Variants in IFT74 observed in about 807,000 individuals in gnomAD.
The protein encoded by IFT74 is intraflagellar transport protein 74 homolog.
A neutral mutation model predicts 96.7 loss-of-function variants in IFT74; 92 were observed. The observed-to-expected ratio is 0.95, with a 90% CI of 0.80 to 1.13. The LOEUF (loss-of-function observed/expected upper bound fraction) is 1.13. IFT74 is among the 50% of genes most tolerant of loss of function. The pLI is 0.00. For synonymous variants in IFT74, 223 were observed against 213.2 expected (o/e 1.05, Z -0.40); for missense variants, 811 against 698.2 (o/e 1.16, Z -1.82).
chr9:27,026,348 C>T (rs1829858197), intron 12 of IFT74, among the ~76,000 whole-genome samples: 4 of 152,106 alleles, frequency 2.6e-5, no homozygotes. Flanking sequence ...ACCACTAGAC[C>T]TAACAAATGA....
chr9:26,968,875 T>C (rs1377900303), intron 2 of IFT74, among the ~76,000 whole-genome samples: 2 of 144,096 alleles, frequency 1.4e-5, no homozygotes, highest in African/African-American at 5.3e-5. Flanking sequence ...ACTTTGTGTT[T>C]CATTAATCTT....
At chr9:27,005,447 T>G (rs1045653147) in intron 8 of IFT74, 4 of 149,328 alleles carry the variant, frequency 2.7e-5, no homozygotes, top group Non-Finnish European at 5.9e-5. Context: ...ATAGTATTTT[T>G]GAGGTAGACC....
chr9:27,011,645 GTTTTTTTTTT>G (rs56762171), intron 9 of IFT74, among the ~76,000 whole-genome samples: 1 of 133,652 alleles, frequency 7.5e-6, no homozygotes, highest in South Asian at 2.4e-4. Context: ...AACTCATGAA[GTTTTTTTTTT>G]TTTTTTTTGA....
chr9:27,003,893 G>C (rs1294766939), intron 8 of IFT74, among the ~76,000 whole-genome samples: 1 of 152,194 alleles, frequency 6.6e-6, no homozygotes. Flanking sequence ...TATGTTTAAT[G>C]ATTTATAGGA....
chr9:26,996,212 C>T, intron 8 of IFT74: 2 of 783,054 alleles, frequency 2.6e-6, no homozygotes, highest in East Asian at 3.1e-5. Flanking sequence ...AGGAATCTTT[C>T]TTTTACATTT....
At chr9:27,051,330 A>G (rs1418963859) in intron 16 of IFT74, among the ~76,000 whole-genome samples, 1 of 152,146 alleles carries the variant, frequency 6.6e-6, no homozygotes, top group Admixed American at 6.5e-5. Flanking sequence ...TGTTTGCCGT[A>G]GTTTTTTTTT....
intron 13 of IFT74, among the ~76,000 whole-genome samples, chr9:27,041,400 C>G (rs2131673925): frequency 6.6e-6 from 1 of 152,210 alleles, no homozygotes; most frequent in African/African-American, 2.4e-5. Context: ...TGGAAACTGT[C>G]TTACTCAGTT....
intron 13 of IFT74, chr9:27,036,463 T>C (rs1200952764): frequency 1.9e-6 from 3 of 1,613,704 alleles, no homozygotes; most frequent in Non-Finnish European, 2.5e-6. Flanking sequence ...CTACCAACTA[T>C]GGATGGAAAA....
At chr9:26,971,798 C>T (rs971728925) in intron 2 of IFT74, among the ~76,000 whole-genome samples, 10 of 152,094 alleles carry the variant, frequency 6.6e-5, no homozygotes, top group Admixed American at 2.6e-4. Flanking sequence ...GACCATTCTC[C>T]GTCCAGTTTT....
intron 12 of IFT74, among the ~76,000 whole-genome samples, chr9:27,020,034 G>A (rs1005806884): frequency 3.3e-5 from 5 of 150,486 alleles, no homozygotes; most frequent in Admixed American, 1.3e-4. Flanking sequence ...GGAATGCAGT[G>A]GTGCAATCTT....
rs768033736 is a variant in IFT74 at position 26,978,210 on chromosome 9, C to T, written c.203C>T (p.Ala68Val). 3 of 1,613,388 alleles carry T rather than the reference C, an allele frequency of 1.9e-6. No individual in the cohort carries two copies. Among genetic ancestry groups the T allele is most frequent in the African/African-American group, 1.3e-5 (1 of 74,866 alleles). Residue 68 changes from alanine to valine, a missense_variant, in exon 3 of 20, where the codon GCC becomes GTC. Transcript: ENST00000380062. ...GGVLSSQIKV[A>V]HRPVTQQGLT... is the part of the protein sequence containing the mutation. ...GTTCTGTCTTCTCAAATCAAAGTTG[C>T]CCATCGCCCTGTAACACAACAAGGT... is the stretch of plus-strand genomic sequence containing the variant.
At chr9:27,023,077 C>A (rs1314319528) in intron 12 of IFT74, among the ~76,000 whole-genome samples, 1 of 152,082 alleles carries the variant, frequency 6.6e-6, no homozygotes, top group African/African-American at 2.4e-5. Context: ...TCAGGGTTTC[C>A]TAGTTATATG....
At chr9:27,010,122 G>T (rs1025175682) in intron 9 of IFT74, among the ~76,000 whole-genome samples, 1 of 151,934 alleles carries the variant, frequency 6.6e-6, no homozygotes, top group South Asian at 2.1e-4. Context: ...CAAGTAGTTG[G>T]CACTACAGGC....
At chr9:26,970,351 A>G (rs1826830167) in intron 2 of IFT74, among the ~76,000 whole-genome samples, 1 of 152,208 alleles carries the variant, frequency 6.6e-6, no homozygotes, top group Non-Finnish European at 1.5e-5. Context: ...ATTTATAAAC[A>G]CACACACATA....
At chr9:27,011,454 T>G (rs767843348) in intron 9 of IFT74, among the ~76,000 whole-genome samples, 1 of 148,482 alleles carries the variant, frequency 6.7e-6, no homozygotes, top group Non-Finnish European at 1.5e-5. Context: ...TGTGCATGTG[T>G]TATATGTGTG....
At chr9:27,010,543 G>T (rs1829014844) in intron 9 of IFT74, among the ~76,000 whole-genome samples, 2 of 148,022 alleles carry the variant, frequency 1.4e-5, no homozygotes, top group Admixed American at 6.8e-5. Context: ...GGGCTGGAGT[G>T]CAGTGGCGCG....
At chr9:26,976,464 G>C (rs1485737292) in intron 2 of IFT74, 1 of 194,286 alleles carries the variant, frequency 5.1e-6, no homozygotes, top group Non-Finnish European at 1.1e-5. Flanking sequence ...TTCCCCATTG[G>C]CTGGGGTCGG....
chr9:27,008,668 G>C (rs1051704589), intron 8 of IFT74, among the ~76,000 whole-genome samples: 2 of 151,984 alleles, frequency 1.3e-5, no homozygotes, highest in Non-Finnish European at 1.5e-5. Context: ...CCTCTTATTT[G>C]TCTTTTGAAG....
intron 12 of IFT74, chr9:27,028,818 T>A (rs1012508966): frequency 2.4e-6 from 1 of 412,996 alleles, no homozygotes; most frequent in Non-Finnish European, 4.3e-6. Flanking sequence ...ATTGTCCTCA[T>A]AATAGGATAT....
Sources: gnomAD v4.1 joint callset for allele counts (sites outside exome capture counted in the v4.1 genomes callset) on GRCh38, gnomAD v4.1.1 for gene constraint, MANE v1.5 for transcripts, NCBI Gene and HGNC (gene_info 2026-07-23, HGNC 2026-07-21) for gene names.